VGLL4: variants seen among roughly 807,000 people sequenced by gnomAD.
VGLL4 encodes transcription cofactor vestigial-like protein 4.
A neutral mutation model predicts 21.0 loss-of-function variants in VGLL4; 7 were observed. That is an observed-to-expected ratio of 0.33 (90% CI 0.19 to 0.63). The LOEUF is 0.63. VGLL4 is among the 20% of genes least tolerant of loss of function. VGLL4 has a pLI of 0.78. For missense variants in VGLL4, 394 were observed against 425.7 expected (o/e 0.93, Z 0.66); for synonymous variants, 222 against 173.2 (o/e 1.28, Z -2.21).
At chr3:11,559,722 C>T (rs1245902098) in intron 3 of VGLL4, among the ~76,000 whole-genome samples, 9 of 152,216 alleles carry the variant, frequency 5.9e-5, no homozygotes, top group African/African-American at 9.6e-5. Flanking sequence ...TTGAGTTGGT[C>T]TGTCCCCATC....
intron 1 of VGLL4, among the ~76,000 whole-genome samples, chr3:11,717,165 A>G (rs1286982488): frequency 6.7e-6 from 1 of 149,078 alleles, no homozygotes; most frequent in Non-Finnish European, 1.5e-5. Flanking sequence ...ATGTTTTTAT[A>G]TATTTTTGTG....
Position 11,556,981 on chromosome 3 carries a change from T to G in VGLL4, c.*1575A>C, listed in dbSNP as rs1225883527. The G allele has an allele frequency of 6.6e-6, 1 of 152,612 alleles. No homozygotes were observed. Among genetic ancestry groups the G allele is most frequent in the Non-Finnish European group, 1.5e-5 (1 of 68,042 alleles). 9.5% of individuals were successfully genotyped at this position (152,612 alleles called of 1,614,324 possible). ...TTCACCCAGTGCCAATTTCCAAAAT[T>G]CAACAGCTAAAAACTGTAAAACCGG... On this transcript the variant is annotated 3_prime_UTR_variant, in exon 5 of 5. Coordinates refer to ENST00000430365, the MANE Select transcript of VGLL4 (RefSeq NM_001128219.3).
At chr3:11,573,264 AAAGAAAGAAAG>A (rs1559869395) in intron 2 of VGLL4, among the ~76,000 whole-genome samples, 1 of 19,868 alleles carries the variant, frequency 5.0e-5, no homozygotes, top group Admixed American at 6.6e-4. Context: ...AGAAAGAAAG[AAAGAAAGAAAG>A]AAAGAAAGAA....
At chr3:11,638,367 C>A (rs2125325857) in intron 1 of VGLL4, among the ~76,000 whole-genome samples, 1 of 152,196 alleles carries the variant, frequency 6.6e-6, no homozygotes, top group Admixed American at 6.5e-5. Flanking sequence ...GAGAAGCGGG[C>A]TGAGAAACAA....
At chr3:11,652,163 A>G (rs2075881391) in intron 2 of VGLL4, among the ~76,000 whole-genome samples, 1 of 152,220 alleles carries the variant, frequency 6.6e-6, no homozygotes, top group South Asian at 2.1e-4. Context: ...ATTTTGAAAA[A>G]GCAAACTGCA....
chr3:11,643,982 C>T, upstream of VGLL4: 1 of 990,122 alleles, frequency 1.0e-6, no homozygotes, highest in Non-Finnish European at 1.2e-6. Context: ...CACTGCGCCG[C>T]GCTGCCGAGG....
Position 11,565,957 on chromosome 3 carries a change from CT to C in VGLL4, c.273-939del, listed in dbSNP as rs146663150. ...CCATATTATCCGCTGACAGAGTAAC[CT>C]TTTTCCGTAACTCATGAGCTGGTCA... On this transcript the variant is annotated intron_variant, in intron 2 of 4. Transcript: ENST00000430365. This position sits in a 1 kb window ranked among gnomAD's most constrained non-coding sequence, Gnocchi z 4.1. Among the ~76,000 whole-genome samples the C allele has an allele frequency of 1.9e-4, 29 of 152,260 alleles. No individual in the cohort carries two copies. In the East Asian group the frequency reaches 5.4e-3, roughly 28 times the overall value.
chr3:11,666,631 G>A (rs2076131168), intron 2 of VGLL4, among the ~76,000 whole-genome samples: 1 of 152,188 alleles, frequency 6.6e-6, no homozygotes, highest in African/African-American at 2.4e-5. Flanking sequence ...AATCGAGGAT[G>A]ACTGTAAACT....
chr3:11,674,211 A>G (rs2076257714), intron 2 of VGLL4, among the ~76,000 whole-genome samples: 1 of 152,092 alleles, frequency 6.6e-6, no homozygotes, highest in African/African-American at 2.4e-5. Context: ...TTTATCTCCC[A>G]CACACTCTTT....
chr3:11,601,841 G>C lies in VGLL4; in HGVS notation c.264C>G (p.Asn88Lys). The C allele has an allele frequency of 6.2e-7, 1 of 1,613,678 alleles. No individual in the cohort carries two copies. The highest frequency in any genetic ancestry group is 8.5e-7 in the Non-Finnish European group (1 of 1,179,782). Residue 88 changes from asparagine to lysine, a missense_variant, in exon 2 of 5, where the codon AAC becomes AAG. Asn to Lys is a moderately conservative substitution (Grantham distance 94). Coordinates refer to ENST00000430365, the MANE Select transcript of VGLL4 (RefSeq NM_001128219.3). The stretch of plus-strand genomic sequence containing the variant: ...AGAACAGAGGAACTCACAGATGGGG[G>C]TTGAAGATGCGACTCATTTTGGAGA... ...DHVSKMSRIF[N>K]PHLNKTANGD...
At chr3:11,696,108 C>T (rs1013096521) in intron 2 of VGLL4, among the ~76,000 whole-genome samples, 3 of 152,302 alleles carry the variant, frequency 2.0e-5, no homozygotes, top group Middle Eastern at 3.4e-3. Context: ...GTTGCACACA[C>T]AGTTGCTAGA....
chr3:11,588,753 G>T (rs1222512683), intron 2 of VGLL4, among the ~76,000 whole-genome samples: 3 of 152,250 alleles, frequency 2.0e-5, no homozygotes, highest in Non-Finnish European at 4.4e-5. Context: ...AGAAGGCAAG[G>T]AGTAGACTTG....
At chr3:11,713,158 C>A (rs2076871515) in intron 1 of VGLL4, among the ~76,000 whole-genome samples, 1 of 152,198 alleles carries the variant, frequency 6.6e-6, no homozygotes. Context: ...TGGTCAAGCT[C>A]CAACGGCTAA....
chr3:11,606,612 C>T (rs1231680252), intron 1 of VGLL4, among the ~76,000 whole-genome samples: 2 of 151,334 alleles, frequency 1.3e-5, no homozygotes, highest in Admixed American at 1.3e-4. Context: ...GTAAAATGCA[C>T]CCAATCAGTG....
chr3:11,574,236 G>A (rs977734271), intron 2 of VGLL4, among the ~76,000 whole-genome samples: 6 of 152,108 alleles, frequency 3.9e-5, no homozygotes, highest in Non-Finnish European at 4.4e-5. Context: ...TGCTTTACAC[G>A]GCTTTAGATA....
chr3:11,569,959 C>A (rs375717223), intron 2 of VGLL4, among the ~76,000 whole-genome samples: 1 of 152,178 alleles, frequency 6.6e-6, no homozygotes, highest in Non-Finnish European at 1.5e-5. Context: ...CTGAAGGGTG[C>A]CCTGAAACCT....
chr3:11,574,785 ATGTGTGTGTGTGTGTGTG>A (rs375691226), intron 2 of VGLL4, among the ~76,000 whole-genome samples: 1,989 of 121,784 alleles, frequency 0.016, 56 homozygotes, highest in African/African-American at 0.059. Context: ...TCAACTATAT[ATGTGTGTGTGTGTGTGTG>A]TGTGTGTGTG....
upstream of VGLL4, among the ~76,000 whole-genome samples, chr3:11,644,565 A>C (rs1422156308): frequency 6.6e-6 from 1 of 152,190 alleles, no homozygotes; most frequent in African/African-American, 2.4e-5. Flanking sequence ...TTTTATTTAA[A>C]AAAACGAGGG....
intron 2 of VGLL4, among the ~76,000 whole-genome samples, chr3:11,679,010 A>G (rs890400407): frequency 6.6e-6 from 1 of 152,356 alleles, no homozygotes; most frequent in South Asian, 2.1e-4. Context: ...GTCATATAAA[A>G]GTTTGGCAGA....
Sources: allele counts gnomAD v4.1 joint callset (sites outside exome capture counted in the v4.1 genomes callset), GRCh38; gene constraint gnomAD v4.1.1; non-coding constraint Gnocchi (gnomAD v3.1); transcripts MANE v1.5; gene names NCBI Gene and HGNC (gene_info 2026-07-23, HGNC 2026-07-21).